Variants in ATP11A observed in about 807,000 individuals in gnomAD.
ATP11A encodes the protein ATPase phospholipid transporting 11A.
Under a neutral mutation model 154.4 loss-of-function variants are expected in ATP11A, and 81 were observed. The observed-to-expected ratio is 0.52, with a 90% CI of 0.44 to 0.63. ATP11A has a LOEUF of 0.63. Ranked by LOEUF, ATP11A falls within the 30% of genes least tolerant of loss-of-function variation. The probability of loss-of-function intolerance (pLI) is 0.00; values close to 1 mark genes in which losing one functional copy is unlikely to be tolerated. For synonymous variants in ATP11A, 623 were observed against 585.9 expected (o/e 1.06, Z -0.91); for missense variants, 1,316 against 1,474.3 (o/e 0.89, Z 1.76).
intron 1 of ATP11A, among the ~76,000 whole-genome samples, chr13:112,740,692 A>G (rs553341220): frequency 6.6e-4 from 100 of 152,272 alleles, no homozygotes; most frequent in African/African-American, 2.2e-3. Context: ...CTCAGTTTTC[A>G]CTGTAACTGG....
At chr13:112,731,672 C>T (rs1397352607) in intron 1 of ATP11A, among the ~76,000 whole-genome samples, 1 of 152,186 alleles carries the variant, frequency 6.6e-6, no homozygotes, top group Non-Finnish European at 1.5e-5. Context: ...GTAGGTGTCA[C>T]TTATGTTCAT....
intron 1 of ATP11A, among the ~76,000 whole-genome samples, chr13:112,764,037 A>C (rs2077019440): frequency 6.6e-6 from 1 of 152,218 alleles, no homozygotes; most frequent in Non-Finnish European, 1.5e-5. Flanking sequence ...TTTTGATATA[A>C]ACGTAAGTTG....
Position 112,690,466 on chromosome 13 carries a change from C to T in ATP11A, c.39+11C>T. The stretch of plus-strand genomic sequence containing the variant: ...CTCGTGCACAGATACGTGAGTGCTC[C>T]CGGCGCGGGCTGGGGGACCCGGGGA... On this transcript the variant is annotated intron_variant, in intron 1 of 29. Coordinates refer to ENST00000375645, the MANE Select transcript of ATP11A (RefSeq NM_015205.3). This position sits in a 1 kb window ranked among gnomAD's most constrained non-coding sequence, Gnocchi z 5.6. The T allele has an allele frequency of 7.4e-7, 1 of 1,344,602 alleles. No individual in the cohort carries two copies. The highest frequency in any genetic ancestry group is 3.1e-5 in the Admixed American group (1 of 31,866). 83.3% of individuals were successfully genotyped at this position (1,344,602 alleles called of 1,614,324 possible). A position where few individuals can be genotyped will look rare whatever the true frequency, so the allele number is the denominator to read the frequency against.
In ATP11A at chr13:112,690,309, C is replaced by A; in HGVS notation, c.-108C>A. On this transcript the variant is annotated 5_prime_UTR_variant, in exon 1 of 30. Transcript: ENST00000375645. The surrounding 1 kb of genome is among the most constrained non-coding windows in gnomAD (Gnocchi z 5.6). ...CCCTGCACCGCCCGGCGCGCCGAGG[C>A]CGTGACCGGAGCGGGGGGCGCGGCC... 1 of 850,070 alleles carries A rather than the reference C, an allele frequency of 1.2e-6. No individual in the cohort carries two copies. The highest frequency in any genetic ancestry group is 1.8e-5 in the African/African-American group (1 of 55,038). 52.7% of individuals were successfully genotyped at this position (850,070 alleles called of 1,614,324 possible).
At chr13:112,712,027 G>A (rs538721784) in intron 1 of ATP11A, among the ~76,000 whole-genome samples, 1 of 152,348 alleles carries the variant, frequency 6.6e-6, no homozygotes, top group South Asian at 2.1e-4. Context: ...AGTGAGAACA[G>A]CTGGCTGCAG....
At chr13:112,868,940 A>G (rs1391321680) in intron 25 of ATP11A, among the ~76,000 whole-genome samples, 2 of 152,082 alleles carry the variant, frequency 1.3e-5, no homozygotes, top group African/African-American at 4.8e-5. Flanking sequence ...GGAAAATGCT[A>G]CACACTTTGA....
chr13:112,858,543 C>T (rs561150833), intron 22 of ATP11A: 5 of 395,360 alleles, frequency 1.3e-5, no homozygotes, highest in South Asian at 1.1e-4. Flanking sequence ...ATAAACAGTT[C>T]CTCAGGTTTA....
At chr13:112,712,106 C>A (rs373934617) in intron 1 of ATP11A, among the ~76,000 whole-genome samples, 6 of 152,320 alleles carry the variant, frequency 3.9e-5, no homozygotes, top group African/African-American at 1.4e-4. Context: ...GCCTCCTTCG[C>A]ATGTTGGCTC....
Position 112,838,243 on chromosome 13 carries a change from C to G in ATP11A, c.1705+1992C>G, listed in dbSNP as rs553356552. Reference sequence around the variant, plus strand: ...GGCGCAGTCCTGAGAGTCTCAGCCACTCGGAGTTATCTGGGATAAACGCAT... The same window carrying G: ...GGCGCAGTCCTGAGAGTCTCAGCCAGTCGGAGTTATCTGGGATAAACGCAT... On this transcript the variant is annotated intron_variant, in intron 16 of 29. Coordinates refer to ENST00000375645, the MANE Select transcript of ATP11A (RefSeq NM_015205.3). This position sits in a 1 kb window ranked among gnomAD's most constrained non-coding sequence, Gnocchi z 7.3. Among the ~76,000 whole-genome samples, 92 of 152,336 alleles carry G rather than the reference C, an allele frequency of 6.0e-4. No individual in the cohort carries two copies. Among genetic ancestry groups the G allele is most frequent in the African/African-American group, 2.2e-3 (90 of 41,570 alleles).
rs9604424 is a variant in ATP11A, at chr13:112,757,803, T to C, written c.40-27332T>C. Among the ~76,000 whole-genome samples the C allele has an allele frequency of 3.9e-3, 598 of 152,388 alleles. 3 individuals are homozygous for C. Among genetic ancestry groups the C allele is most frequent in the African/African-American group, 0.014 (569 of 41,600 alleles). ...AAAACGTCTTTCTTCCTGATTGTCT[T>C]GCTGAGTGTTTCGCTGCAGTCTGTG... On this transcript the variant is annotated intron_variant, in intron 1 of 29. Transcript: ENST00000375645.
At chr13:112,873,813 G>A in intron 27 of ATP11A, 137 bp downstream of exon 27, 1 of 781,952 alleles carries the variant, frequency 1.3e-6, no homozygotes, top group Non-Finnish European at 2.1e-6. Context: ...TGTGTGCTGG[G>A]TGTCGTGGGG....
intron 1 of ATP11A, among the ~76,000 whole-genome samples, chr13:112,726,990 G>A (rs1022684362): frequency 2.0e-5 from 3 of 152,140 alleles, no homozygotes; most frequent in Non-Finnish European, 2.9e-5. Flanking sequence ...TAGCTTATGC[G>A]AATTTCTTAC....
rs935764277 is a variant in ATP11A, at chr13:112,850,023, C to T, written c.1810-1014C>T. ...TCTTGTGTTCTGACTTCTTCAACTCCCCCTTTCCCAACTTCTGGCTTTTGA... is the reference window on the plus strand; with the variant it reads ...TCTTGTGTTCTGACTTCTTCAACTCTCCCTTTCCCAACTTCTGGCTTTTGA... On this transcript the variant is annotated intron_variant, in intron 17 of 29. Transcript: ENST00000375645. Among the ~76,000 whole-genome samples, 4 of 152,198 alleles carry T rather than the reference C, an allele frequency of 2.6e-5. No homozygotes were observed. The South Asian group carries it at 6.2e-4, about 24-fold the overall frequency.
chr13:112,811,982 A>G (rs1343009665), intron 5 of ATP11A: 1 of 152,204 alleles, frequency 6.6e-6, no homozygotes, highest in East Asian at 1.9e-4. Flanking sequence ...CCTGCACACC[A>G]ATGTGTGATG....
rs116809597 is a variant in ATP11A, at chr13:112,864,375, C to T, written c.2991+1800C>T. The stretch of plus-strand genomic sequence containing the variant: ...GCAGCTTCCCAGCGGGGATCATCAC[C>T]ACGTGCGCCATAATTCAGCGTAGCG... On this transcript the variant is annotated intron_variant, in intron 25 of 29. Coordinates refer to ENST00000375645, the MANE Select transcript of ATP11A (RefSeq NM_015205.3). Among the ~76,000 whole-genome samples the T allele has an allele frequency of 9.9e-3, 1,111 of 112,688 alleles. 169 individuals carry two copies. The highest frequency in any genetic ancestry group is 0.022 in the African/African-American group (684 of 31,540). 73.9% of individuals were successfully genotyped at this position (112,688 alleles called of 152,430 possible). A position where few individuals can be genotyped will look rare whatever the true frequency, so the allele number is the denominator to read the frequency against.
chr13:112,882,509 C>G lies in ATP11A; in HGVS notation c.*643C>G, dbSNP rs2080909515. 1 of 461,388 alleles carries G rather than the reference C, an allele frequency of 2.2e-6. No individual in the cohort carries two copies. The highest frequency in any genetic ancestry group is 3.8e-5 in the Admixed American group (1 of 26,208). The allele number at this position is 461,388 out of a possible 1,614,324, so 28.6% of individuals were successfully genotyped here. A position where few individuals can be genotyped will look rare whatever the true frequency, so the allele number is the denominator to read the frequency against. On this transcript the variant is annotated 3_prime_UTR_variant, in exon 30 of 30. Coordinates refer to ENST00000375645, the MANE Select transcript of ATP11A (RefSeq NM_015205.3). This position sits in a 1 kb window ranked among gnomAD's most constrained non-coding sequence, Gnocchi z 5.1. ...GGATGCTGTGGGAAGGGCCGGGTCA[C>G]TCGGATACCATCATCCCTGCGGATG...
chr13:112,733,379 G>A (rs1245574857), intron 1 of ATP11A, among the ~76,000 whole-genome samples: 1 of 152,246 alleles, frequency 6.6e-6, no homozygotes, highest in Non-Finnish European at 1.5e-5. Flanking sequence ...TAGGACTGTA[G>A]AGCTTGTTTG....
Position 112,854,487 on chromosome 13 carries a change from G to A in ATP11A, c.2200G>A (p.Val734Ile), listed in dbSNP as rs2079865032. 6.2e-7 allele frequency: 1 copy of A among 1,612,154 alleles called. No individual in the cohort carries two copies. Residue 734 changes from valine to isoleucine, a missense_variant, in exon 19 of 30, where the codon GTC (valine) becomes ATC (isoleucine). Val to Ile is a conservative substitution (Grantham distance 29). This residue lies in a region of ATP11A where 876 missense variants were observed against 1,006.8 expected (regional missense o/e 0.87). Transcript: ENST00000375645. ...CGTCCTGTTCGAGCTGAGCAAGACGGTCCTGCGCCACAGCGGGAGCCTGAC... is the reference window on the plus strand; with the variant it reads ...CGTCCTGTTCGAGCTGAGCAAGACGATCCTGCGCCACAGCGGGAGCCTGAC... ...HDVLFELSKT[V>I]LRHSGSLTRD...
chr13:112,809,998 AG>A (rs1292030154), intron 4 of ATP11A, among the ~76,000 whole-genome samples: 1 of 152,104 alleles, frequency 6.6e-6, no homozygotes, highest in Admixed American at 6.5e-5. Context: ...CGTGCACGGG[AG>A]TCACGATGGG....
Sources: gnomAD v4.1 joint callset for allele counts (sites outside exome capture counted in the v4.1 genomes callset) on GRCh38, gnomAD v4.1.1 for gene constraint, gnomAD v4.1.1 regional missense constraint, Gnocchi (gnomAD v3.1) non-coding constraint, MANE v1.5 for transcripts, NCBI Gene and HGNC (gene_info 2026-07-23, HGNC 2026-07-21) for gene names.